STK4: variants seen among roughly 807,000 people sequenced by gnomAD.
The protein encoded by STK4 is serine/threonine kinase 4.
In STK4, 30 loss-of-function variants were observed where a neutral mutation model predicts 64.9. That is an observed-to-expected ratio of 0.46 (90% CI 0.35 to 0.63). The LOEUF (loss-of-function observed/expected upper bound fraction) is 0.63. Among genes scored for constraint, STK4 ranks in the 20% least tolerant of loss-of-function variants. The pLI is 0.01. For synonymous variants in STK4, 177 were observed against 199.0 expected (o/e 0.89, Z 0.93); for missense variants, 466 against 598.5 (o/e 0.78, Z 2.31).
intron 10 of STK4, among the ~76,000 whole-genome samples, chr20:45,059,326 CT>C (rs1978784059): frequency 6.6e-6 from 1 of 152,174 alleles, no homozygotes; most frequent in Non-Finnish European, 1.5e-5. Flanking sequence ...CAATGTTCAT[CT>C]TTTCACTTAA....
chr20:45,044,608 T>C, intron 10 of STK4, among the ~76,000 whole-genome samples: 1 of 152,220 alleles, frequency 6.6e-6, no homozygotes, highest in South Asian at 2.1e-4. Flanking sequence ...TGAGCCGTGA[T>C]TGTGCCACTA....
At chr20:45,026,320 T>A (rs972508304) in intron 10 of STK4, among the ~76,000 whole-genome samples, 6 of 138,022 alleles carry the variant, frequency 4.3e-5, no homozygotes, top group Non-Finnish European at 7.8e-5. Context: ...ACAGAAAGAG[T>A]GTGTGTGTGT....
chr20:44,972,973 G>A (rs1238963999), intron 2 of STK4: 1 of 151,638 alleles, frequency 6.6e-6, no homozygotes, highest in Non-Finnish European at 1.5e-5. Context: ...CAAGGGTAGC[G>A]GCTTCTTGTG....
intron 10 of STK4, among the ~76,000 whole-genome samples, chr20:45,045,029 A>G (rs896912355): frequency 2.6e-5 from 4 of 152,210 alleles, no homozygotes; most frequent in African/African-American, 9.6e-5. Flanking sequence ...TGTATTAAGT[A>G]TTATCACTTA....
At chr20:45,015,184 G>A (rs1013070826) in intron 9 of STK4, among the ~76,000 whole-genome samples, 1 of 152,170 alleles carries the variant, frequency 6.6e-6, no homozygotes, top group African/African-American at 2.4e-5. Flanking sequence ...TTGAAATCAG[G>A]TGAAAGGCTA....
At chr20:44,968,944 G>T (rs1284685653) in intron 1 of STK4, among the ~76,000 whole-genome samples, 4 of 152,162 alleles carry the variant, frequency 2.6e-5, no homozygotes, top group Non-Finnish European at 4.4e-5. Context: ...TGTTCTGAAG[G>T]CTAGAGATCT....
At position 45,018,067 on chromosome 20, in the gene STK4, G is replaced by C. The variant is rs377451793; in HGVS notation, c.1148-6906G>C. 5.3e-4 allele frequency among the ~76,000 whole-genome samples: 80 copies of C among 152,298 alleles called. No homozygotes were observed. In the East Asian group the frequency reaches 0.014, roughly 26 times the overall value. On this transcript the variant is annotated intron_variant, in intron 9 of 10. Transcript: ENST00000372806. ...TGAGCTGATACATGTAAAGCACTTA[G>C]GTGCCTGGTAACAAAAACAAAACCC...
intron 4 of STK4, among the ~76,000 whole-genome samples, chr20:44,982,295 GT>G: frequency 6.8e-6 from 1 of 147,584 alleles, no homozygotes; most frequent in East Asian, 2.1e-4. Context: ...GTTTTGTTTT[GT>G]TTTTTAATTT....
At chr20:45,031,973 A>G (rs1408192415) in intron 10 of STK4, among the ~76,000 whole-genome samples, 3 of 152,026 alleles carry the variant, frequency 2.0e-5, no homozygotes, top group Non-Finnish European at 4.4e-5. Context: ...TGGGAAGGAT[A>G]TGTTTTATAC....
Position 45,062,989 on chromosome 20 carries a change from C to CTTTTTTTTTTTT in STK4, c.1306-12010_1306-11999dup, listed in dbSNP as rs71197599. 8.2e-3 allele frequency among the ~76,000 whole-genome samples: 259 copies of CTTTTTTTTTTTT among 31,520 alleles called. 68 individuals carry two copies. The highest frequency in any genetic ancestry group is 0.011 in the Non-Finnish European group (192 of 17,142). The allele number at this position is 31,520 out of a possible 152,430, so 20.7% of individuals were successfully genotyped here. On this transcript the variant is annotated intron_variant, in intron 10 of 10. Coordinates refer to ENST00000372806, the MANE Select transcript of STK4 (RefSeq NM_006282.5). Reference sequence around the variant, plus strand: ...ACAGGTGTGAGCCACCGCACCCGGCCTTTTTTTTTTTTTTTTTTTTTTTTT... The same window carrying CTTTTTTTTTTTT: ...ACAGGTGTGAGCCACCGCACCCGGCCTTTTTTTTTTTTTTTTTTTTTTTTTTTTTTTTTTTTT...
At chr20:45,033,104 AT>A (rs1441804015) in intron 10 of STK4, among the ~76,000 whole-genome samples, 1 of 151,972 alleles carries the variant, frequency 6.6e-6, no homozygotes, top group Non-Finnish European at 1.5e-5. Context: ...TCCTTTCCCC[AT>A]TTTTAATGAG....
chr20:44,975,592 AT>A (rs1391330171), intron 2 of STK4: 1 of 160,702 alleles, frequency 6.2e-6, no homozygotes, highest in Non-Finnish European at 1.3e-5. Flanking sequence ...TTGTCAGGAG[AT>A]TGCATTTGAG....
rs1980497409 is a variant in STK4, at chr20:45,076,149, G to A, written c.*973G>A. 1 of 152,418 alleles carries A rather than the reference G, an allele frequency of 6.6e-6. No homozygotes were observed. Among genetic ancestry groups the A allele is most frequent in the Non-Finnish European group, 1.5e-5 (1 of 68,038 alleles). The allele number at this position is 152,418 out of a possible 1,614,324, so 9.4% of individuals were successfully genotyped here. A position where few individuals can be genotyped will look rare whatever the true frequency, so the allele number is the denominator to read the frequency against. Reference sequence around the variant, plus strand: ...AGAGGGGATTGCTTTTGTGACCCACGTTCAAATATGTGACTGTTTTCTTTT... The same window carrying A: ...AGAGGGGATTGCTTTTGTGACCCACATTCAAATATGTGACTGTTTTCTTTT... On this transcript the variant is annotated 3_prime_UTR_variant, in exon 11 of 11. Transcript: ENST00000372806. The surrounding 1 kb of genome is among the most constrained non-coding windows in gnomAD (Gnocchi z 4.0).
intron 10 of STK4, among the ~76,000 whole-genome samples, chr20:45,063,956 C>G (rs1425549180): frequency 6.6e-6 from 1 of 152,062 alleles, no homozygotes; most frequent in Non-Finnish European, 1.5e-5. Context: ...TACAGGCGCC[C>G]GCCACTATGC....
chr20:45,040,669 T>C (rs1431011091), intron 10 of STK4, among the ~76,000 whole-genome samples: 2 of 151,322 alleles, frequency 1.3e-5, no homozygotes, highest in Admixed American at 1.3e-4. Flanking sequence ...GTTTTTAAAA[T>C]GGGAAATGGT....
rs773120861 is a variant in STK4 at position 44,997,315 on chromosome 20, C to T, written c.831+9C>T. ...CCACTCAGCTCCTGCAGGTATGAAT[C>T]ACCCTGTGATGCCATCTCGCTCCAT... On this transcript the variant is annotated intron_variant, in intron 7 of 10. Coordinates refer to ENST00000372806, the MANE Select transcript of STK4 (RefSeq NM_006282.5). The T allele has an allele frequency of 6.3e-7, 1 of 1,585,098 alleles. No homozygotes were observed. The highest frequency in any genetic ancestry group is 8.6e-7 in the Non-Finnish European group (1 of 1,169,130).
intron 10 of STK4, among the ~76,000 whole-genome samples, chr20:45,063,948 C>T (rs1407221541): frequency 6.6e-6 from 1 of 151,870 alleles, no homozygotes; most frequent in Non-Finnish European, 1.5e-5. Flanking sequence ...GCTGGGAATA[C>T]AGGCGCCCGC....
At chr20:45,048,264 C>T (rs2068725901) in intron 10 of STK4, among the ~76,000 whole-genome samples, 1 of 152,158 alleles carries the variant, frequency 6.6e-6, no homozygotes, top group African/African-American at 2.4e-5. Flanking sequence ...ATATTTACTT[C>T]TGAGTTATTG....
intron 10 of STK4, among the ~76,000 whole-genome samples, chr20:45,065,964 C>G (rs956915925): frequency 6.6e-6 from 1 of 151,726 alleles, no homozygotes; most frequent in Non-Finnish European, 1.5e-5. Context: ...ATATGAGTAA[C>G]CCTTATTTTA....
Sources: allele counts gnomAD v4.1 joint callset (sites outside exome capture counted in the v4.1 genomes callset), GRCh38; gene constraint gnomAD v4.1.1; non-coding constraint Gnocchi (gnomAD v3.1); transcripts MANE v1.5; gene names NCBI Gene and HGNC (gene_info 2026-07-23, HGNC 2026-07-21).